PRKN: variants seen among roughly 807,000 people sequenced by gnomAD.
The protein encoded by PRKN is E3 ubiquitin-protein ligase parkin.
PRKN carries 56 observed loss-of-function variants against 59.5 expected under a neutral mutation model. The observed-to-expected ratio is 0.94, with a 90% confidence interval of 0.76 to 1.18. The LOEUF is 1.18. Ranked by LOEUF, PRKN falls within the 50% of genes most tolerant of loss-of-function variation. The pLI, the probability that PRKN is intolerant of heterozygous loss-of-function variation, is 0.00. For missense variants in PRKN, 657 were observed against 596.4 expected (o/e 1.10, Z -1.06); for synonymous variants, 250 against 222.1 (o/e 1.13, Z -1.12).
Position 161,550,064 on chromosome 6 carries a change from G to A in PRKN, c.934-1061C>T, listed in dbSNP as rs1255720226. Among the ~76,000 whole-genome samples the A allele has an allele frequency of 6.6e-6, 1 of 152,212 alleles. No homozygotes were observed. The highest frequency in any genetic ancestry group is 6.5e-5 in the Admixed American group (1 of 15,280). Reference sequence around the variant, plus strand: ...AGGTGTCTTTAAGCAAATGTCTGAAGGAGATTAGAAATGCAAGTCACATGG... The same window carrying A: ...AGGTGTCTTTAAGCAAATGTCTGAAAGAGATTAGAAATGCAAGTCACATGG... On this transcript the variant is annotated intron_variant, in intron 8 of 11. Coordinates refer to ENST00000366898, the MANE Select transcript of PRKN (RefSeq NM_004562.3). The surrounding 1 kb of genome is among the most constrained non-coding windows in gnomAD (Gnocchi z 4.0).
chr6:161,906,655 C>CATATATATATAT (rs1168847600), intron 6 of PRKN, among the ~76,000 whole-genome samples: 4 of 90,576 alleles, frequency 4.4e-5, no homozygotes, highest in East Asian at 2.7e-4. Flanking sequence ...TCTAATAGAA[C>CATATATATATAT]ATACATATAT....
chr6:161,668,874 G>A (rs975382229), intron 7 of PRKN, among the ~76,000 whole-genome samples: 6 of 152,106 alleles, frequency 3.9e-5, no homozygotes, highest in African/African-American at 1.2e-4. Flanking sequence ...CTACCCCACT[G>A]GTTCTACCCC....
chr6:162,177,662 A>G (rs1334099854), intron 4 of PRKN, among the ~76,000 whole-genome samples: 1 of 152,212 alleles, frequency 6.6e-6, no homozygotes, highest in Non-Finnish European at 1.5e-5. Flanking sequence ...AAAAAATAAA[A>G]GCAAAGCACG....
chr6:162,369,708 G>C (rs1168673976), intron 2 of PRKN, among the ~76,000 whole-genome samples: 1 of 152,140 alleles, frequency 6.6e-6, no homozygotes, highest in Non-Finnish European at 1.5e-5. Context: ...GCAGAAATTA[G>C]CATCCACGGA....
Position 161,468,016 on chromosome 6 carries a change from A to G in PRKN, c.1083+80838T>C, listed in dbSNP as rs1562468446. Among the ~76,000 whole-genome samples the G allele has an allele frequency of 6.6e-6, 1 of 152,238 alleles. No homozygotes were observed. The highest frequency in any genetic ancestry group is 1.9e-4 in the East Asian group (1 of 5,178). Reference sequence around the variant, plus strand: ...GAGACAGAGTTTCACTCTTTCAACCAGGCTGGAGTGAAGTGGTGTGATCTC... The same window carrying G: ...GAGACAGAGTTTCACTCTTTCAACCGGGCTGGAGTGAAGTGGTGTGATCTC... On this transcript the variant is annotated intron_variant, in intron 9 of 11. Transcript: ENST00000366898. The surrounding 1 kb of genome is among the most constrained non-coding windows in gnomAD (Gnocchi z 5.9).
chr6:161,660,668 C>CT (rs745368038), intron 7 of PRKN, among the ~76,000 whole-genome samples: 13 of 152,162 alleles, frequency 8.5e-5, no homozygotes, highest in Non-Finnish European at 1.8e-4. Flanking sequence ...GCTCTTTCCC[C>CT]TTTGCTGTCT....
chr6:162,244,303 A>C (rs923375072), intron 3 of PRKN, among the ~76,000 whole-genome samples: 1 of 152,054 alleles, frequency 6.6e-6, no homozygotes, highest in African/African-American at 2.4e-5. Flanking sequence ...GGGCACATTC[A>C]ATCTTATTCT....
At chr6:162,279,524 T>C (rs9355998) in intron 2 of PRKN, among the ~76,000 whole-genome samples, 10,947 of 152,118 alleles carry the variant, frequency 0.072, 1,090 homozygotes, top group East Asian at 0.5. Flanking sequence ...TGAGTTCTAA[T>C]TTGATTGCCT....
intron 7 of PRKN, among the ~76,000 whole-genome samples, chr6:161,763,233 T>G (rs1389313133): frequency 6.6e-6 from 1 of 152,074 alleles, no homozygotes; most frequent in Non-Finnish European, 1.5e-5. Context: ...TTGTGAGCCG[T>G]GAGTTGGCAC....
chr6:162,241,790 A>G (rs930158985), intron 3 of PRKN, among the ~76,000 whole-genome samples: 1 of 152,084 alleles, frequency 6.6e-6, no homozygotes, highest in South Asian at 2.1e-4. Flanking sequence ...TAATCATGAA[A>G]CTCAGTGTTT....
chr6:162,677,512 ATATT>A (rs1779601847), intron 1 of PRKN, among the ~76,000 whole-genome samples: 2 of 149,500 alleles, frequency 1.3e-5, no homozygotes, highest in South Asian at 4.2e-4. Context: ...TGAAATTATC[ATATT>A]TAATAGGGAA....
Position 162,318,522 on chromosome 6 carries a change from T to G in PRKN, c.172-55757A>C, listed in dbSNP as rs555340131. On this transcript the variant is annotated intron_variant, in intron 2 of 11. Coordinates refer to ENST00000366898, the MANE Select transcript of PRKN (RefSeq NM_004562.3). ...TGGGTGATCATCTATATTTCAGTTG[T>G]GTGGAACCACCATACTGATTTCCAC... is the stretch of plus-strand genomic sequence containing the variant. Among the ~76,000 whole-genome samples the G allele has an allele frequency of 2.0e-5, 3 of 152,208 alleles. No individual in the cohort carries two copies. In the East Asian group the frequency reaches 5.9e-4, roughly 30 times the overall value.
intron 1 of PRKN, among the ~76,000 whole-genome samples, chr6:162,587,935 A>G (rs551510252): frequency 6.6e-6 from 1 of 152,248 alleles, no homozygotes; most frequent in South Asian, 2.1e-4. Flanking sequence ...TAATACAAAT[A>G]ACTAGAAATT....
At position 161,498,699 on chromosome 6, in the gene PRKN, C is replaced by T. The variant is rs531143026; in HGVS notation, c.1083+50155G>A. 6.6e-6 allele frequency among the ~76,000 whole-genome samples: 1 copy of T among 152,312 alleles called. No individual in the cohort carries two copies. Among genetic ancestry groups the T allele is most frequent in the East Asian group, 1.9e-4 (1 of 5,178 alleles). ...GAGGTCACATCAGTCTCCCTGCCAA[C>T]CCTATTGGACAGGCCTTACGCGTGA... On this transcript the variant is annotated intron_variant, in intron 9 of 11. Coordinates refer to ENST00000366898, the MANE Select transcript of PRKN (RefSeq NM_004562.3). The surrounding 1 kb of genome is among the most constrained non-coding windows in gnomAD (Gnocchi z 4.2).
At chr6:161,556,227 T>C (rs1780233197) in intron 8 of PRKN, among the ~76,000 whole-genome samples, 1 of 152,214 alleles carries the variant, frequency 6.6e-6, no homozygotes, top group Non-Finnish European at 1.5e-5. Flanking sequence ...CTCAAGAGCA[T>C]TTGAGCATAC....
At chr6:162,334,633 T>C (rs1289241300) in intron 2 of PRKN, among the ~76,000 whole-genome samples, 1 of 152,346 alleles carries the variant, frequency 6.6e-6, no homozygotes, top group East Asian at 1.9e-4. Context: ...ACATCCATTC[T>C]GCATCCCATG....
Position 161,552,793 on chromosome 6 carries a change from GTTTTTTGT to G in PRKN, c.934-3798_934-3791del, listed in dbSNP as rs1780085359. Reference sequence around the variant, plus strand: ...ACACCATGGTTTTGTTGTTGTTTTTGTTTTTTGTTTTTTTTTTTTAGACGGAGTCTCGT... The same window carrying G: ...ACACCATGGTTTTGTTGTTGTTTTTGTTTTTTTTTTTAGACGGAGTCTCGT... On this transcript the variant is annotated intron_variant, in intron 8 of 11. Coordinates refer to ENST00000366898, the MANE Select transcript of PRKN (RefSeq NM_004562.3). The surrounding 1 kb of genome is among the most constrained non-coding windows in gnomAD (Gnocchi z 4.9). 7.0e-6 allele frequency among the ~76,000 whole-genome samples: 1 copy of G among 143,114 alleles called. No homozygotes were observed. Among genetic ancestry groups the G allele is most frequent in the Non-Finnish European group, 1.5e-5 (1 of 66,334 alleles). The allele number at this position is 143,114 out of a possible 152,430, so 93.9% of individuals were successfully genotyped here. A position where few individuals can be genotyped will look rare whatever the true frequency, so the allele number is the denominator to read the frequency against.
In PRKN at chr6:161,547,816, T is replaced by C. The variant is rs1327985679; in HGVS notation, c.1083+1038A>G. On this transcript the variant is annotated intron_variant, in intron 9 of 11. Transcript: ENST00000366898. The surrounding 1 kb of genome is among the most constrained non-coding windows in gnomAD (Gnocchi z 4.0). Reference sequence around the variant, plus strand: ...TTTCATTCTAATGCAATCACGATTATGAATCCAGAGGTATTTCTTTCCACT... The same window carrying C: ...TTTCATTCTAATGCAATCACGATTACGAATCCAGAGGTATTTCTTTCCACT... Among the ~76,000 whole-genome samples the C allele has an allele frequency of 6.6e-6, 1 of 152,220 alleles. No individual in the cohort carries two copies. The highest frequency in any genetic ancestry group is 1.5e-5 in the Non-Finnish European group (1 of 68,038).
At position 162,368,097 on chromosome 6, in the gene PRKN, C is replaced by T. The variant is rs367900229; in HGVS notation, c.171+75213G>A. Among the ~76,000 whole-genome samples, 31 of 152,270 alleles carry T rather than the reference C, an allele frequency of 2.0e-4. No homozygotes were observed. In the East Asian group the frequency reaches 4.6e-3, roughly 23 times the overall value. On this transcript the variant is annotated intron_variant, in intron 2 of 11. Transcript: ENST00000366898. ...CCACTGAGCAGATGTCACAGGAACT[C>T]GCTGGCAAGGGCATCTGGGAAATAC... is the stretch of plus-strand genomic sequence containing the variant.
Sources: allele counts gnomAD v4.1 joint callset (sites outside exome capture counted in the v4.1 genomes callset), GRCh38; gene constraint gnomAD v4.1.1; non-coding constraint Gnocchi (gnomAD v3.1); transcripts MANE v1.5; gene names NCBI Gene and HGNC (gene_info 2026-07-23, HGNC 2026-07-21).